NFIX: variants seen among roughly 807,000 people sequenced by gnomAD.
NFIX encodes the protein nuclear factor 1 X-type.
In NFIX, 2 loss-of-function variants were observed where a neutral mutation model predicts 53.3. The observed-to-expected ratio is 0.04, with a 90% confidence interval of 0.02 to 0.12. The LOEUF (loss-of-function observed/expected upper bound fraction) is 0.12. NFIX is among the 10% of genes least tolerant of loss of function. The pLI is 1.00. For synonymous variants in NFIX, 244 were observed against 289.0 expected (o/e 0.84, Z 1.58); for missense variants, 310 against 674.5 (o/e 0.46, Z 5.99).
In NFIX at chr19:13,006,181, G is replaced by A. The variant is rs886287022; in HGVS notation, c.27+10317G>A. Among the ~76,000 whole-genome samples the A allele has an allele frequency of 6.6e-6, 1 of 152,174 alleles. No homozygotes were observed. Among genetic ancestry groups the A allele is most frequent in the Non-Finnish European group, 1.5e-5 (1 of 68,038 alleles). On this transcript the variant is annotated intron_variant, in intron 1 of 10. Transcript: ENST00000592199. The surrounding 1 kb of genome is among the most constrained non-coding windows in gnomAD (Gnocchi z 5.6). ...GAAGAACAGAGCTGGCCGGGCCCTC[G>A]GGAGTGCTGGGCAGCTGTGGTTTTA...
Position 13,068,021 on chromosome 19 carries a change from C to T in NFIX, c.560-5026C>T, listed in dbSNP as rs1170750188. 2.6e-5 allele frequency among the ~76,000 whole-genome samples: 4 copies of T among 151,942 alleles called. No homozygotes were observed. The highest frequency in any genetic ancestry group is 1.9e-4 in the East Asian group (1 of 5,174). ...TCGGGAGGCTGAGGCAGGAGAATGG[C>T]GTGAACCCAGGAGGTGGGGCTTGCA... On this transcript the variant is annotated intron_variant, in intron 2 of 10. Transcript: ENST00000592199. This position sits in a 1 kb window ranked among gnomAD's most constrained non-coding sequence, Gnocchi z 4.2.
At chr19:13,057,230 C>T (rs1179078125) in intron 2 of NFIX, among the ~76,000 whole-genome samples, 2 of 152,180 alleles carry the variant, frequency 1.3e-5, no homozygotes, top group Admixed American at 6.5e-5. Flanking sequence ...TCGGGTGGAG[C>T]CTCCCCCACC....
At position 13,081,325 on chromosome 19, in the gene NFIX, T is replaced by A. The variant is rs1296994341; in HGVS notation, c.1079-355T>A. Among the ~76,000 whole-genome samples the A allele has an allele frequency of 1.3e-5, 2 of 152,072 alleles. No individual in the cohort carries two copies. The highest frequency in any genetic ancestry group is 4.8e-5 in the African/African-American group (2 of 41,388). ...TCTCAAATAATAATAATAACACTTT[T>A]TTAAAAAGCCAAATAAAATAAAGAC... On this transcript the variant is annotated intron_variant, in intron 7 of 10. Transcript: ENST00000592199. This position sits in a 1 kb window ranked among gnomAD's most constrained non-coding sequence, Gnocchi z 4.7.
chr19:13,091,355 G>A (rs1198075366), intron 10 of NFIX, among the ~76,000 whole-genome samples: 1 of 141,332 alleles, frequency 7.1e-6, no homozygotes, highest in Non-Finnish European at 1.5e-5. Context: ...AGTTGTGTGT[G>A]TGGTTTGAGA....
At chr19:13,055,490 G>A (rs540517243) in intron 2 of NFIX, among the ~76,000 whole-genome samples, 1 of 152,170 alleles carries the variant, frequency 6.6e-6, no homozygotes, top group Non-Finnish European at 1.5e-5. Context: ...CCGCACTCCC[G>A]CCAGTGCCTT....
intron 2 of NFIX, among the ~76,000 whole-genome samples, chr19:13,069,515 C>T (rs2016638228): frequency 1.3e-5 from 2 of 152,254 alleles, no homozygotes; most frequent in Non-Finnish European, 2.9e-5. Flanking sequence ...AGGGGGCTCC[C>T]TTGTGGGCAG....
intron 2 of NFIX, among the ~76,000 whole-genome samples, chr19:13,059,665 T>C (rs2015929519): frequency 6.6e-6 from 1 of 150,448 alleles, no homozygotes; most frequent in Non-Finnish European, 1.5e-5. Context: ...GGAACCCTAC[T>C]GGAGTGGCCA....
At chr19:13,079,361 C>G (rs2017317911) in intron 7 of NFIX, among the ~76,000 whole-genome samples, 2 of 152,206 alleles carry the variant, frequency 1.3e-5, no homozygotes, top group Admixed American at 6.5e-5. Flanking sequence ...CTTCAGTGTC[C>G]CAGTTGAGAA....
rs1325004006 is a variant in NFIX at position 13,045,057 on chromosome 19, A to G, written c.559+19505A>G. On this transcript the variant is annotated intron_variant, in intron 2 of 10. Coordinates refer to ENST00000592199, the MANE Select transcript of NFIX (RefSeq NM_001365902.3). The surrounding 1 kb of genome is among the most constrained non-coding windows in gnomAD (Gnocchi z 4.4). Reference sequence around the variant, plus strand: ...CAGCGGTGGCCCGCCGGCAGCTCAGATACCTGGGAGCAGCACAGGGCTCAG... The same window carrying G: ...CAGCGGTGGCCCGCCGGCAGCTCAGGTACCTGGGAGCAGCACAGGGCTCAG... 6.6e-6 allele frequency among the ~76,000 whole-genome samples: 1 copy of G among 152,206 alleles called. No homozygotes were observed. The highest frequency in any genetic ancestry group is 1.5e-5 in the Non-Finnish European group (1 of 68,032).
At chr19:13,030,496 A>C (rs2013718114) in intron 2 of NFIX, among the ~76,000 whole-genome samples, 2 of 151,944 alleles carry the variant, frequency 1.3e-5, no homozygotes, top group African/African-American at 4.8e-5. Flanking sequence ...GTGAAAGCTG[A>C]TTTTCCTGTA....
intron 8 of NFIX, chr19:13,082,413 G>A: frequency 6.5e-6 from 1 of 152,780 alleles, no homozygotes; most frequent in Non-Finnish European, 1.5e-5. Context: ...ATTTCAGTGT[G>A]CCCAGGAGGG....
chr19:13,023,070 TTCTCTCTCTCTC>T (rs3840930), intron 1 of NFIX, among the ~76,000 whole-genome samples: 14 of 138,070 alleles, frequency 1.0e-4, no homozygotes, highest in Admixed American at 1.4e-4. Context: ...TTCTCTCTCT[TTCTCTCTCTCTC>T]TCTCTCTCTC....
At position 13,010,058 on chromosome 19, in the gene NFIX, G is replaced by C. The variant is rs1018250710; in HGVS notation, c.27+14194G>C. 5.3e-5 allele frequency among the ~76,000 whole-genome samples: 8 copies of C among 152,304 alleles called. No homozygotes were observed. In the East Asian group the frequency reaches 5.8e-4, roughly 11 times the overall value. ...CCAGGGGCCCTCCGAGGTCCAGGGC[G>C]CTTCCTCCTCTGCAACCCGCTTTTC... On this transcript the variant is annotated intron_variant, in intron 1 of 10. Transcript: ENST00000592199.
rs1438593310 is a variant in NFIX at position 13,002,991 on chromosome 19, C to T, written c.27+7127C>T. ...GGAAAGGACAGCATGGAGGTGCACC[C>T]GACCCCCCTGGGCCTTTTAGTCCAA... is the stretch of plus-strand genomic sequence containing the variant. On this transcript the variant is annotated intron_variant, in intron 1 of 10. Coordinates refer to ENST00000592199, the MANE Select transcript of NFIX (RefSeq NM_001365902.3). This position sits in a 1 kb window ranked among gnomAD's most constrained non-coding sequence, Gnocchi z 6.1. Among the ~76,000 whole-genome samples, 1 of 152,072 alleles carries T rather than the reference C, an allele frequency of 6.6e-6. No individual in the cohort carries two copies.
At chr19:13,077,088 C>G (rs866086020) in intron 6 of NFIX, among the ~76,000 whole-genome samples, 32 of 152,252 alleles carry the variant, frequency 2.1e-4, no homozygotes, top group African/African-American at 7.2e-4. Context: ...TCCTGGGTCC[C>G]TGGCCGGGGC....
chr19:13,069,120 G>A (rs2016608346), intron 2 of NFIX, among the ~76,000 whole-genome samples: 1 of 152,220 alleles, frequency 6.6e-6, no homozygotes, highest in Non-Finnish European at 1.5e-5. Context: ...CTGAGTTGGT[G>A]TGGGGCGAGG....
intron 2 of NFIX, among the ~76,000 whole-genome samples, chr19:13,026,355 G>A (rs1463088564): frequency 6.7e-6 from 1 of 149,740 alleles, no homozygotes; most frequent in Admixed American, 6.6e-5. Context: ...TGTGGAAGAG[G>A]TCTTAAACAA....
chr19:13,032,857 C>G (rs2145225546), intron 2 of NFIX, among the ~76,000 whole-genome samples: 1 of 152,256 alleles, frequency 6.6e-6, no homozygotes, highest in East Asian at 1.9e-4. Flanking sequence ...GGGTGCGTAC[C>G]TTAACACATG....
intron 2 of NFIX, among the ~76,000 whole-genome samples, chr19:13,032,887 C>G (rs1201142368): frequency 6.6e-6 from 1 of 152,142 alleles, no homozygotes; most frequent in Non-Finnish European, 1.5e-5. Flanking sequence ...CCCTATATCC[C>G]AGTAAGAAGA....
Sources: allele counts gnomAD v4.1 joint callset (sites outside exome capture counted in the v4.1 genomes callset), GRCh38; gene constraint gnomAD v4.1.1; non-coding constraint Gnocchi (gnomAD v3.1); transcripts MANE v1.5; gene names NCBI Gene and HGNC (gene_info 2026-07-23, HGNC 2026-07-21).